The following MOAP1 variants were observed in gnomAD, a reference collection of about 807,000 sequenced individuals.
MOAP1 encodes the protein MAP1.
For synonymous variants in MOAP1, 150 were observed against 161.0 expected (o/e 0.93, Z 0.52); for missense variants, 385 against 418.6 (o/e 0.92, Z 0.70).
In MOAP1 at chr14:93,183,335, A is replaced by G; in HGVS notation, c.908T>C (p.Val303Ala). 12 of 1,614,178 alleles carry G rather than the reference A, an allele frequency of 7.4e-6. No individual in the cohort carries two copies. Among genetic ancestry groups the G allele is most frequent in the Non-Finnish European group, 8.5e-6 (10 of 1,180,026 alleles). ...AAGCTCTCTGCGAATTGTTTTGTGG[A>G]CTGCCCCAGCAATGACTTGGTCTAG... is the stretch of plus-strand genomic sequence containing the variant. ...ARLDQVIAGA[V>A]HKTIRRELNL... is the part of the protein sequence containing the mutation. Residue 303 changes from valine (V) to alanine (A), a missense_variant, in exon 3 of 3, where the codon GTC (valine) becomes GCC (alanine). Transcript: ENST00000298894.
At position 93,184,354 on chromosome 14, in the gene MOAP1, T is replaced by C. The variant is rs1893991600; in HGVS notation, c.-112A>G. On this transcript the variant is annotated 5_prime_UTR_variant, in exon 3 of 3. Transcript: ENST00000298894. The surrounding 1 kb of genome is among the most constrained non-coding windows in gnomAD (Gnocchi z 4.2). ...GAGAAATCTTGTCAACGTGCCGAGG[T>C]CCAGCAGCCTGCAAGACAGAGCAGA... The C allele has an allele frequency of 2.3e-5, 11 of 480,416 alleles. No homozygotes were observed. The highest frequency in any genetic ancestry group is 3.3e-5 in the Non-Finnish European group (11 of 334,414). 29.8% of individuals were successfully genotyped at this position (480,416 alleles called of 1,614,324 possible).
In MOAP1 at chr14:93,183,066, A is replaced by C; in HGVS notation, c.*121T>G. The C allele has an allele frequency of 7.2e-7, 1 of 1,395,006 alleles. No individual in the cohort carries two copies. The highest frequency in any genetic ancestry group is 9.5e-7 in the Non-Finnish European group (1 of 1,054,898). 86.4% of individuals were successfully genotyped at this position (1,395,006 alleles called of 1,614,324 possible). A position where few individuals can be genotyped will look rare whatever the true frequency, so the allele number is the denominator to read the frequency against. ...AAACGACAAAGGGCTTATACTGAGA[A>C]TTGCACAAAAATGAGTTACTTGGCA... On this transcript the variant is annotated 3_prime_UTR_variant, in exon 3 of 3. Coordinates refer to ENST00000298894, the MANE Select transcript of MOAP1 (RefSeq NM_022151.5).
In MOAP1 at chr14:93,184,208, C is replaced by G; in HGVS notation, c.35G>C (p.Gly12Ala). 1 of 1,605,554 alleles carries G rather than the reference C, an allele frequency of 6.2e-7. No homozygotes were observed. The highest frequency in any genetic ancestry group is 1.7e-4 in the Middle Eastern group (1 of 6,002). Residue 12 changes from glycine (G) to alanine (A), a missense_variant, in exon 3 of 3, where the codon GGG becomes GCG. By Grantham distance (60) the Gly-to-Ala change is moderately conservative. Coordinates refer to ENST00000298894, the MANE Select transcript of MOAP1 (RefSeq NM_022151.5). The surrounding 1 kb of genome is among the most constrained non-coding windows in gnomAD (Gnocchi z 4.2). ...TLRLLEDWCR[G>A]MDMNPRKALL... ...CGCTTTCCGAGGGTTCATGTCCATC[C>G]CCCTGCACCAGTCTTCTAAAAGCCT... is the stretch of plus-strand genomic sequence containing the variant.
Position 93,183,292 on chromosome 14 carries a change from G to A in MOAP1, c.951C>T (p.Gly317=). ...IRRELNLPED[G]PAPGFLQLLV... Reference sequence around the variant, plus strand: ...ATAACTGCAAGAAACCAGGGGCTGGGCCATCCTCTGGCAGATTAAGCTCTC... The same window carrying A: ...ATAACTGCAAGAAACCAGGGGCTGGACCATCCTCTGGCAGATTAAGCTCTC... The change falls in exon 3 of 3, where the codon GGC becomes GGT. Residue 317 remains glycine, a synonymous_variant. Transcript: ENST00000298894. The A allele has an allele frequency of 6.2e-7, 1 of 1,614,154 alleles. No individual in the cohort carries two copies. The highest frequency in any genetic ancestry group is 8.5e-7 in the Non-Finnish European group (1 of 1,180,028).
rs768504596 is a variant in MOAP1, at chr14:93,183,219, G to A, written c.1024C>T (p.Leu342Phe). ...AAATTACCTTCCAATATTGCCTGGA[G>A]AAGGGCCTCCTCCTCCTCAGCTGCC... Reference protein sequence around the residue: ...YEAAEEEEALLQAILEGNFT With the variant: ...YEAAEEEEALFQAILEGNFT Residue 342 changes from leucine (L) to phenylalanine (F), a missense_variant, in exon 3 of 3, where the codon CTC becomes TTC. Coordinates refer to ENST00000298894, the MANE Select transcript of MOAP1 (RefSeq NM_022151.5). 1 of 1,609,950 alleles carries A rather than the reference G, an allele frequency of 6.2e-7. No individual in the cohort carries two copies. Among genetic ancestry groups the A allele is most frequent in the South Asian group, 1.1e-5 (1 of 90,550 alleles).
Position 93,183,789 on chromosome 14 carries a change from C to G in MOAP1, c.454G>C (p.Ala152Pro), listed in dbSNP as rs764603790. Residue 152 changes from alanine to proline, a missense_variant, in exon 3 of 3, where the codon GCT becomes CCT. Physicochemically the swap from Ala to Pro is conservative, Grantham distance 27. Transcript: ENST00000298894. Reference sequence around the variant, plus strand: ...AAGCATTGCAGGGCAGGCTGAAGAGCCTCTAATGCCTGTGCCAACATAGGG... The same window carrying G: ...AAGCATTGCAGGGCAGGCTGAAGAGGCTCTAATGCCTGTGCCAACATAGGG... ...WAPMLAQALEALQPALQCLKY... is the reference protein window; with the variant it reads ...WAPMLAQALEPLQPALQCLKY... The G allele has an allele frequency of 2.0e-5, 33 of 1,613,980 alleles. No homozygotes were observed. The South Asian group carries it at 3.5e-4, about 17-fold the overall frequency.
Position 93,184,540 on chromosome 14 carries a change from C to T in MOAP1, c.-121+19G>A, listed in dbSNP as rs114198532. ...GGATGTCGGGCCTGCAGGGCCGCGTCGGGCCCGCTTCCACTCACCGTGATC... is the reference window on the plus strand; with the variant it reads ...GGATGTCGGGCCTGCAGGGCCGCGTTGGGCCCGCTTCCACTCACCGTGATC... On this transcript the variant is annotated intron_variant, in intron 2 of 2. Transcript: ENST00000298894. The surrounding 1 kb of genome is among the most constrained non-coding windows in gnomAD (Gnocchi z 4.2). 769 of 152,842 alleles carry T rather than the reference C, an allele frequency of 5.0e-3. 6 individuals carry two copies. Among genetic ancestry groups the T allele is most frequent in the African/African-American group, 0.017 (713 of 41,596 alleles). The allele number at this position is 152,842 out of a possible 1,614,324, so 9.5% of individuals were successfully genotyped here.
chr14:93,184,215 A>C lies in MOAP1; in HGVS notation c.28T>G (p.Cys10Gly). The C allele has an allele frequency of 6.2e-7, 1 of 1,603,324 alleles. No homozygotes were observed. Among genetic ancestry groups the C allele is most frequent in the Non-Finnish European group, 8.5e-7 (1 of 1,175,730 alleles). The change falls in exon 3 of 3, where the codon TGC (cysteine) becomes GGC (glycine). Residue 10 changes from cysteine to glycine, a missense_variant. Coordinates refer to ENST00000298894, the MANE Select transcript of MOAP1 (RefSeq NM_022151.5). This position sits in a 1 kb window ranked among gnomAD's most constrained non-coding sequence, Gnocchi z 4.2. MTLRLLEDWCRGMDMNPRKA... is the reference protein window; with the variant it reads MTLRLLEDWGRGMDMNPRKA... ...CGAGGGTTCATGTCCATCCCCCTGC[A>C]CCAGTCTTCTAAAAGCCTCAAAGTC...
chr14:93,184,107 A>T lies in MOAP1; in HGVS notation c.136T>A (p.Leu46Met). ...EEALQAGLAP[L>M]GEYRLLGRMF... ...CTTCCAAGCAGTCTGTACTCCCCCA[A>T]GGGAGCTAAACCAGCCTGCAGAGCC... The change falls in exon 3 of 3, where the codon TTG (leucine) becomes ATG (methionine). Residue 46 changes from leucine (L) to methionine (M), a missense_variant. By Grantham distance (15) the Leu-to-Met change is conservative. Coordinates refer to ENST00000298894, the MANE Select transcript of MOAP1 (RefSeq NM_022151.5). This position sits in a 1 kb window ranked among gnomAD's most constrained non-coding sequence, Gnocchi z 4.2. 6.2e-7 allele frequency: 1 copy of T among 1,614,012 alleles called. No individual in the cohort carries two copies. Among genetic ancestry groups the T allele is most frequent in the Non-Finnish European group, 8.5e-7 (1 of 1,179,998 alleles).
In MOAP1 at chr14:93,183,132, C is replaced by T; in HGVS notation, c.*55G>A. 1 of 1,532,850 alleles carries T rather than the reference C, an allele frequency of 6.5e-7. No individual in the cohort carries two copies. Among genetic ancestry groups the T allele is most frequent in the Non-Finnish European group, 8.7e-7 (1 of 1,143,692 alleles). The allele number at this position is 1,532,850 out of a possible 1,614,324, so 95.0% of individuals were successfully genotyped here. On this transcript the variant is annotated 3_prime_UTR_variant, in exon 3 of 3. Coordinates refer to ENST00000298894, the MANE Select transcript of MOAP1 (RefSeq NM_022151.5). Reference sequence around the variant, plus strand: ...TGTATGTGTCACAAGAGTATATAGACTGTTCTACCTTCATGCTCTACTCAT... The same window carrying T: ...TGTATGTGTCACAAGAGTATATAGATTGTTCTACCTTCATGCTCTACTCAT...
Position 93,184,300 on chromosome 14 carries a change from A to C in MOAP1, c.-58T>G. The C allele has an allele frequency of 8.9e-7, 1 of 1,118,488 alleles. No homozygotes were observed. Among genetic ancestry groups the C allele is most frequent in the Non-Finnish European group, 1.1e-6 (1 of 882,174 alleles). The allele number at this position is 1,118,488 out of a possible 1,614,324, so 69.3% of individuals were successfully genotyped here. On this transcript the variant is annotated 5_prime_UTR_variant, in exon 3 of 3. It adds an upstream start codon to the 5' untranslated region. Coordinates refer to ENST00000298894, the MANE Select transcript of MOAP1 (RefSeq NM_022151.5). The surrounding 1 kb of genome is among the most constrained non-coding windows in gnomAD (Gnocchi z 4.2). ...ATGCCAGACCACAGGCGACCACCGAAATTCAAAGTAATCCTCCGCGGTACC... is the reference window on the plus strand; with the variant it reads ...ATGCCAGACCACAGGCGACCACCGACATTCAAAGTAATCCTCCGCGGTACC...
In MOAP1 at chr14:93,183,035, G is replaced by A; in HGVS notation, c.*152C>T. The A allele has an allele frequency of 9.3e-7, 1 of 1,074,686 alleles. No homozygotes were observed. The highest frequency in any genetic ancestry group is 1.6e-5 in the African/African-American group (1 of 62,546). 66.6% of individuals were successfully genotyped at this position (1,074,686 alleles called of 1,614,324 possible). ...TACACCTTTAGGAGACTTTAAATAG[G>A]CACAGAAACGACAAAGGGCTTATAC... On this transcript the variant is annotated 3_prime_UTR_variant, in exon 3 of 3. Transcript: ENST00000298894.
chr14:93,184,021 A>G lies in MOAP1; in HGVS notation c.222T>C (p.Ser74=), dbSNP rs377049512. ...GTATCTCCTTAGGGACCAGGGCGTG[A>G]CTAGTCTCCGCAGTAAGCCCTACTA... ...VALVGLTAET[S]HALVPKEIPG... The change falls in exon 3 of 3, where the codon AGT becomes AGC. Residue 74 remains serine (S), a synonymous_variant. Transcript: ENST00000298894. This position sits in a 1 kb window ranked among gnomAD's most constrained non-coding sequence, Gnocchi z 4.2. The G allele has an allele frequency of 1.2e-4, 190 of 1,613,830 alleles. No individual in the cohort carries two copies. The highest frequency in any genetic ancestry group is 1.5e-4 in the Non-Finnish European group (180 of 1,179,914).
In MOAP1 at chr14:93,183,192, T is replaced by G. The variant is rs1566812083; in HGVS notation, c.1051A>C (p.Thr351Pro). The G allele has an allele frequency of 2.5e-6, 4 of 1,599,532 alleles. No homozygotes were observed. The highest frequency in any genetic ancestry group is 1.7e-4 in the Middle Eastern group (1 of 5,910). ...LLQAILEGNF[T>P] ...CCTTCGTGGTTCCCTGAGACTCAGG[T>G]GAAATTACCTTCCAATATTGCCTGG... The change falls in exon 3 of 3, where the codon ACC (threonine) becomes CCC (proline). Residue 351 changes from threonine (T) to proline (P), a missense_variant. Thr to Pro is a conservative substitution (Grantham distance 38). Coordinates refer to ENST00000298894, the MANE Select transcript of MOAP1 (RefSeq NM_022151.5).
rs544319514 is a variant in MOAP1 at position 93,183,220 on chromosome 14, A to T, written c.1023T>A (p.Leu341=). Reference sequence around the variant, plus strand: ...AATTACCTTCCAATATTGCCTGGAGAAGGGCCTCCTCCTCCTCAGCTGCCT... The same window carrying T: ...AATTACCTTCCAATATTGCCTGGAGTAGGGCCTCCTCCTCCTCAGCTGCCT... ...DYEAAEEEEA[L]LQAILEGNFT is the part of the protein sequence containing the mutation. The change falls in exon 3 of 3, where the codon CTT becomes CTA. Residue 341 remains leucine, a synonymous_variant. Transcript: ENST00000298894. 42 of 1,609,836 alleles carry T rather than the reference A, an allele frequency of 2.6e-5. 1 individual carries two copies. In the South Asian group the frequency reaches 4.5e-4, roughly 17 times the overall value.
rs1406054127 is a variant in MOAP1 at position 93,183,984 on chromosome 14, C to T, written c.259G>A (p.Gly87Ser). 6.2e-7 allele frequency: 1 copy of T among 1,614,048 alleles called. No homozygotes were observed. Among genetic ancestry groups the T allele is most frequent in the African/African-American group, 1.3e-5 (1 of 75,016 alleles). ...LVPKEIPGKG[G>S]IWRVIFKPPD... ...GGCTTAAAGATCACTCTCCAGATAC[C>T]CCCTTTTCCCGGTATCTCCTTAGGG... Residue 87 changes from glycine to serine, a missense_variant, in exon 3 of 3, where the codon GGT becomes AGT. Coordinates refer to ENST00000298894, the MANE Select transcript of MOAP1 (RefSeq NM_022151.5).
In MOAP1 at chr14:93,183,054, C is replaced by G; in HGVS notation, c.*133G>C. 1 of 1,316,418 alleles carries G rather than the reference C, an allele frequency of 7.6e-7. No homozygotes were observed. The highest frequency in any genetic ancestry group is 1.0e-6 in the Non-Finnish European group (1 of 988,508). 81.5% of individuals were successfully genotyped at this position (1,316,418 alleles called of 1,614,324 possible). A position where few individuals can be genotyped will look rare whatever the true frequency, so the allele number is the denominator to read the frequency against. The stretch of plus-strand genomic sequence containing the variant: ...AAATAGGCACAGAAACGACAAAGGG[C>G]TTATACTGAGAATTGCACAAAAATG... On this transcript the variant is annotated 3_prime_UTR_variant, in exon 3 of 3. Transcript: ENST00000298894.
rs959508358 is a variant in MOAP1 at position 93,184,407 on chromosome 14, G to A, written c.-120-45C>T. 4.5e-6 allele frequency: 1 copy of A among 221,994 alleles called. No individual in the cohort carries two copies. Among genetic ancestry groups the A allele is most frequent in the Non-Finnish European group, 8.0e-6 (1 of 125,590 alleles). The allele number at this position is 221,994 out of a possible 1,614,324, so 13.8% of individuals were successfully genotyped here. ...GGTTAGCTAAAGGTGCCAACGTCCAGGGCAAGCGTGCAGGCCCCAAGCCCC... is the reference window on the plus strand; with the variant it reads ...GGTTAGCTAAAGGTGCCAACGTCCAAGGCAAGCGTGCAGGCCCCAAGCCCC... On this transcript the variant is annotated intron_variant, in intron 2 of 2. Coordinates refer to ENST00000298894, the MANE Select transcript of MOAP1 (RefSeq NM_022151.5). The surrounding 1 kb of genome is among the most constrained non-coding windows in gnomAD (Gnocchi z 4.2).
Position 93,183,537 on chromosome 14 carries a change from C to T in MOAP1, c.706G>A (p.Ala236Thr). The change falls in exon 3 of 3, where the codon GCT (alanine) becomes ACT (threonine). Residue 236 changes from alanine (A) to threonine (T), a missense_variant. By Grantham distance (58) the Ala-to-Thr change is moderately conservative. Coordinates refer to ENST00000298894, the MANE Select transcript of MOAP1 (RefSeq NM_022151.5). ...PLITVDECLQ[A>T]LEEVFGVTDN... ...GTAACCCCAAATACCTCCTCAAGAG[C>T]CTGCAGACATTCATCGACAGTAATT... 6.2e-7 allele frequency: 1 copy of T among 1,614,210 alleles called. No individual in the cohort carries two copies. The highest frequency in any genetic ancestry group is 8.5e-7 in the Non-Finnish European group (1 of 1,180,046).
Sources: gnomAD v4.1 joint callset for allele counts on GRCh38, gnomAD v4.1.1 for gene constraint, Gnocchi (gnomAD v3.1) non-coding constraint, MANE v1.5 for transcripts, NCBI Gene and HGNC (gene_info 2026-07-23, HGNC 2026-07-21) for gene names.